Variants in AKT3 observed in about 807,000 individuals in gnomAD.
AKT3 encodes the protein RAC-gamma serine/threonine-protein kinase.
In AKT3, 15 loss-of-function variants were observed where a neutral mutation model predicts 65.3. The ratio of observed to expected loss-of-function variants is 0.23; its 90% CI spans 0.15 to 0.35. AKT3 has a LOEUF of 0.35. Ranked by LOEUF, AKT3 falls within the 10% of genes least tolerant of loss-of-function variation. AKT3 has a pLI of 1.00. For synonymous variants in AKT3, 206 were observed against 183.8 expected, an observed-to-expected ratio of 1.12 and a Z score of -0.98; for missense variants, 243 against 576.5, an observed-to-expected ratio of 0.42 and a Z score of 5.92.
At chr1:243,586,705 A>G (rs1675838486) in intron 8 of AKT3, among the ~76,000 whole-genome samples, 1 of 152,082 alleles carries the variant, frequency 6.6e-6, no homozygotes, top group South Asian at 2.1e-4. Flanking sequence ...TATGGTAACT[A>G]TAGAAACTGG....
chr1:243,751,666 C>T (rs1688820078), intron 2 of AKT3, among the ~76,000 whole-genome samples: 1 of 152,034 alleles, frequency 6.6e-6, no homozygotes, highest in Non-Finnish European at 1.5e-5. Flanking sequence ...GAAATGCAGC[C>T]TGGAAAAAGC....
chr1:243,555,055 A>G (rs1364443197), intron 10 of AKT3, among the ~76,000 whole-genome samples: 2 of 152,232 alleles, frequency 1.3e-5, no homozygotes, highest in African/African-American at 4.8e-5. Flanking sequence ...TGTAAAATGA[A>G]TATCGATTCT....
At chr1:243,785,065 T>TC (rs201334530) in intron 2 of AKT3, among the ~76,000 whole-genome samples, 3 of 143,496 alleles carry the variant, frequency 2.1e-5, no homozygotes, top group African/African-American at 7.7e-5. Context: ...CCAACTCAAT[T>TC]TTTTTTTTTT....
chr1:243,795,692 C>T (rs915311459), intron 2 of AKT3, among the ~76,000 whole-genome samples: 3 of 151,320 alleles, frequency 2.0e-5, no homozygotes, highest in African/African-American at 7.3e-5. Flanking sequence ...GGGATGGTCT[C>T]GATCTCCTGA....
At chr1:243,602,946 A>T (rs1253456657) in intron 8 of AKT3, among the ~76,000 whole-genome samples, 1 of 152,208 alleles carries the variant, frequency 6.6e-6, no homozygotes, top group Non-Finnish European at 1.5e-5. Flanking sequence ...AGCCTGAAAT[A>T]AATGAAGCTA....
Position 243,537,817 on chromosome 1 carries a change from C to A in AKT3, c.1251+7693G>T, listed in dbSNP as rs1215869140. Among the ~76,000 whole-genome samples, 3 of 152,186 alleles carry A rather than the reference C, an allele frequency of 2.0e-5. No homozygotes were observed. In the South Asian group the frequency reaches 6.2e-4, roughly 31 times the overall value. ...ATCCACCACAGATTCCCAGTTCCTCCAGTCAGCATATCTTCATTCACTTCT... is the reference window on the plus strand; with the variant it reads ...ATCCACCACAGATTCCCAGTTCCTCAAGTCAGCATATCTTCATTCACTTCT... On this transcript the variant is annotated intron_variant, in intron 12 of 13. Transcript: ENST00000673466.
At chr1:243,638,250 C>G (rs1038290704) in intron 5 of AKT3, among the ~76,000 whole-genome samples, 3 of 152,138 alleles carry the variant, frequency 2.0e-5, no homozygotes. Context: ...ACCTCGTATA[C>G]TTCAGTTAAA....
intron 4 of AKT3, among the ~76,000 whole-genome samples, chr1:243,658,929 G>A (rs528177896): frequency 8.4e-4 from 127 of 151,816 alleles, no homozygotes; most frequent in Non-Finnish European, 5.9e-4. Flanking sequence ...CTACTGGGGA[G>A]GCTAAGCTGG....
At chr1:243,507,320 C>A (rs1669735274) in intron 13 of AKT3, among the ~76,000 whole-genome samples, 1 of 152,216 alleles carries the variant, frequency 6.6e-6, no homozygotes, top group Non-Finnish European at 1.5e-5. Flanking sequence ...TGAGAGACAG[C>A]CTTCATTCTG....
intron 12 of AKT3, among the ~76,000 whole-genome samples, chr1:243,520,095 T>C (rs1670616946): frequency 1.3e-5 from 2 of 152,246 alleles, no homozygotes; most frequent in African/African-American, 4.8e-5. Context: ...AAAATTAGTA[T>C]GTTTAAACCC....
chr1:243,790,818 G>A (rs1178833976), intron 2 of AKT3, among the ~76,000 whole-genome samples: 1 of 152,118 alleles, frequency 6.6e-6, no homozygotes, highest in African/African-American at 2.4e-5. Context: ...TGTGTCTCAG[G>A]AGTGAGAGAG....
In AKT3 at chr1:243,826,743, G is replaced by A. The variant is rs1694192373; in HGVS notation, c.46+16382C>T. Among the ~76,000 whole-genome samples the A allele has an allele frequency of 5.9e-5, 9 of 152,278 alleles. 1 individual carries two copies. The South Asian group carries it at 1.9e-3, about 32-fold the overall frequency. Reference sequence around the variant, plus strand: ...ACCTATACCCTTAAGTGGAAAAAAAGAAAATGTCCTTTTTTGTTGTTACTG... The same window carrying A: ...ACCTATACCCTTAAGTGGAAAAAAAAAAAATGTCCTTTTTTGTTGTTACTG... On this transcript the variant is annotated intron_variant, in intron 2 of 13. Transcript: ENST00000673466.
At chr1:243,517,147 G>GTT (rs138706814) in intron 12 of AKT3, among the ~76,000 whole-genome samples, 3 of 151,882 alleles carry the variant, frequency 2.0e-5, no homozygotes, top group East Asian at 1.9e-4. Context: ...ATAGATCTGT[G>GTT]TTTTTTTAAT....
chr1:243,728,644 T>C (rs1240747731), intron 2 of AKT3, among the ~76,000 whole-genome samples: 1 of 152,218 alleles, frequency 6.6e-6, no homozygotes, highest in Non-Finnish European at 1.5e-5. Context: ...TCATATGCTG[T>C]CAGTTCTTCA....
At chr1:243,776,611 G>A (rs1690566621) in intron 2 of AKT3, among the ~76,000 whole-genome samples, 1 of 152,158 alleles carries the variant, frequency 6.6e-6, no homozygotes, top group South Asian at 2.1e-4. Context: ...ATGAAATTTT[G>A]TTATGGCAGC....
chr1:243,693,783 T>G (rs1684877180), intron 3 of AKT3, among the ~76,000 whole-genome samples: 1 of 152,138 alleles, frequency 6.6e-6, no homozygotes, highest in South Asian at 2.1e-4. Flanking sequence ...AAGTCAAGCT[T>G]TAGTAATAAT....
At chr1:243,650,187 A>G (rs538061420) in intron 4 of AKT3, among the ~76,000 whole-genome samples, 178 of 152,192 alleles carry the variant, frequency 1.2e-3, no homozygotes, top group Non-Finnish European at 1.9e-3. Context: ...TTTTTCATAC[A>G]TTTGTTGGCT....
chr1:243,582,425 G>A (rs1162554389), intron 8 of AKT3, among the ~76,000 whole-genome samples: 4 of 143,114 alleles, frequency 2.8e-5, no homozygotes, highest in Non-Finnish European at 6.0e-5. Context: ...AGGAGAGACT[G>A]GGGACCTATT....
At chr1:243,610,957 T>C (rs575853805) in intron 8 of AKT3, among the ~76,000 whole-genome samples, 2 of 152,352 alleles carry the variant, frequency 1.3e-5, no homozygotes, top group African/African-American at 4.8e-5. Context: ...GAATGCTCAT[T>C]TAAAATGCTA....
Sources: gnomAD v4.1 joint callset for allele counts (sites outside exome capture counted in the v4.1 genomes callset) on GRCh38, gnomAD v4.1.1 for gene constraint, MANE v1.5 for transcripts, NCBI Gene and HGNC (gene_info 2026-07-23, HGNC 2026-07-21) for gene names.